The following FAM227B variants were observed in gnomAD, a reference collection of about 807,000 sequenced individuals.
FAM227B encodes family with sequence similarity 227 member B.
In FAM227B, 88 loss-of-function variants were observed where a neutral mutation model predicts 73.8. The observed-to-expected ratio is 1.19, with a 90% CI of 1.00 to 1.42. FAM227B has a LOEUF of 1.42. FAM227B is among the 40% of genes most tolerant of loss of function. FAM227B has a pLI of 0.00. For synonymous variants in FAM227B, 210 were observed against 190.5 expected, an observed-to-expected ratio of 1.10 and a Z score of -0.84; for missense variants, 632 against 590.9, an observed-to-expected ratio of 1.07 and a Z score of -0.72.
chr15:49,460,510 A>G (rs1308573136), intron 11 of FAM227B, among the ~76,000 whole-genome samples: 1 of 152,162 alleles, frequency 6.6e-6, no homozygotes, highest in Non-Finnish European at 1.5e-5. Context: ...TTGAAGGACT[A>G]TGTTTTTACT....
intron 11 of FAM227B, among the ~76,000 whole-genome samples, chr15:49,470,647 T>C (rs920339807): frequency 2.0e-5 from 3 of 152,156 alleles, no homozygotes; most frequent in Admixed American, 6.6e-5. Context: ...TCAACATCCA[T>C]TGGGCCTGGA....
At chr15:49,495,360 C>A (rs986819198) in intron 11 of FAM227B, among the ~76,000 whole-genome samples, 1 of 152,150 alleles carries the variant, frequency 6.6e-6, no homozygotes. Flanking sequence ...TGAATAGTTC[C>A]GTTAAATTTC....
In FAM227B at chr15:49,508,245, T is replaced by C. The variant is rs140365266; in HGVS notation, c.978A>G (p.Glu326=). The C allele has an allele frequency of 5.3e-4, 858 of 1,611,122 alleles. No homozygotes were observed. The highest frequency in any genetic ancestry group is 6.7e-4 in the Non-Finnish European group (795 of 1,178,742). ...TATGTTCTTGACTGTCTGCAATTCT[T>C]TCCTTTACTGATTTTGCAGGTGCTT... ...SKKAPAKSVK[E]RIADSQEHIS... The change falls in exon 11 of 16, where the codon GAA becomes GAG. Residue 326 remains glutamate (E), a synonymous_variant. Transcript: ENST00000299338.
At chr15:49,338,410 T>G (rs1011896274) in intron 13 of FAM227B, among the ~76,000 whole-genome samples, 2 of 152,230 alleles carry the variant, frequency 1.3e-5, no homozygotes, top group African/African-American at 4.8e-5. Context: ...GATATGAAAT[T>G]CTGGGTTGAA....
intron 11 of FAM227B, among the ~76,000 whole-genome samples, chr15:49,406,465 G>A (rs2048514539): frequency 1.3e-5 from 2 of 150,794 alleles, no homozygotes; most frequent in Non-Finnish European, 3.0e-5. Flanking sequence ...GACTATGTGT[G>A]ATTTATGCAC....
At chr15:49,406,143 C>A (rs1242065620) in intron 11 of FAM227B, among the ~76,000 whole-genome samples, 1 of 152,170 alleles carries the variant, frequency 6.6e-6, no homozygotes, top group Non-Finnish European at 1.5e-5. Flanking sequence ...TGCTCCCAGA[C>A]CACTGGTCAC....
chr15:49,564,643 G>C (rs183708545), intron 9 of FAM227B, among the ~76,000 whole-genome samples: 59 of 152,036 alleles, frequency 3.9e-4, no homozygotes, highest in African/African-American at 1.4e-3. Flanking sequence ...ATACAACATG[G>C]AATACTATAC....
At chr15:49,451,035 T>G (rs1455062734) in intron 11 of FAM227B, among the ~76,000 whole-genome samples, 3 of 151,650 alleles carry the variant, frequency 2.0e-5, no homozygotes, top group East Asian at 3.9e-4. Context: ...TAAAAACTGG[T>G]TTTTTTTTAA....
chr15:49,609,991 T>A (rs918049272), intron 3 of FAM227B, among the ~76,000 whole-genome samples: 1 of 151,984 alleles, frequency 6.6e-6, no homozygotes, highest in African/African-American at 2.4e-5. Flanking sequence ...ATGATACTAC[T>A]GACATACTAT....
At chr15:49,357,414 T>G (rs1456669847) in intron 13 of FAM227B, among the ~76,000 whole-genome samples, 1 of 150,562 alleles carries the variant, frequency 6.6e-6, no homozygotes, top group African/African-American at 2.4e-5. Flanking sequence ...TCACCACCGA[T>G]CCCACAGAAA....
At chr15:49,513,409 A>G (rs1567451945) in intron 10 of FAM227B, among the ~76,000 whole-genome samples, 1 of 152,194 alleles carries the variant, frequency 6.6e-6, no homozygotes. Context: ...TCTTCTTTTG[A>G]GAAGTGTCTC....
At chr15:49,577,806 T>A in intron 5 of FAM227B, 142 bp from the exon 6 acceptor site, 2 of 489,008 alleles carry the variant, frequency 4.1e-6, no homozygotes, top group South Asian at 4.3e-5. Flanking sequence ...ATACTATTGC[T>A]GTGTTTGATA....
At chr15:49,567,652 G>A (rs1378843379) in intron 9 of FAM227B, among the ~76,000 whole-genome samples, 2 of 152,060 alleles carry the variant, frequency 1.3e-5, no homozygotes, top group African/African-American at 4.8e-5. Flanking sequence ...ATGCAACAAA[G>A]TATTTGAATA....
At chr15:49,393,407 G>A (rs926506627) in intron 11 of FAM227B, among the ~76,000 whole-genome samples, 1 of 151,968 alleles carries the variant, frequency 6.6e-6, no homozygotes, top group East Asian at 1.9e-4. Context: ...TATTTCCATC[G>A]GAATGTTTAC....
chr15:49,617,705 A>C (rs1249206425), intron 1 of FAM227B, among the ~76,000 whole-genome samples: 1 of 152,004 alleles, frequency 6.6e-6, no homozygotes. Context: ...AAAATCACAA[A>C]GTTTATTATT....
At chr15:49,584,629 C>T (rs1015335060) in intron 5 of FAM227B, among the ~76,000 whole-genome samples, 1 of 152,068 alleles carries the variant, frequency 6.6e-6, no homozygotes, top group African/African-American at 2.4e-5. Flanking sequence ...GTCTCAAAAG[C>T]TCCTTAAGCT....
chr15:49,450,498 A>G (rs1395704690), intron 11 of FAM227B, among the ~76,000 whole-genome samples: 1 of 152,076 alleles, frequency 6.6e-6, no homozygotes, highest in Non-Finnish European at 1.5e-5. Flanking sequence ...ATAAACTGAC[A>G]TTATTAATGG....
At chr15:49,512,845 T>C (rs1353916691) in intron 10 of FAM227B, among the ~76,000 whole-genome samples, 1 of 152,164 alleles carries the variant, frequency 6.6e-6, no homozygotes, top group East Asian at 1.9e-4. Flanking sequence ...AGTGAGAACA[T>C]GAGTTGCTTG....
intron 9 of FAM227B, among the ~76,000 whole-genome samples, chr15:49,562,645 A>G (rs1264652988): frequency 6.6e-6 from 1 of 152,150 alleles, no homozygotes; most frequent in East Asian, 1.9e-4. Flanking sequence ...TCAAAATGTG[A>G]ATTCACCATG....
Sources: gnomAD v4.1 joint callset for allele counts (sites outside exome capture counted in the v4.1 genomes callset) on GRCh38, gnomAD v4.1.1 for gene constraint, MANE v1.5 for transcripts, NCBI Gene and HGNC (gene_info 2026-07-23, HGNC 2026-07-21) for gene names.